The following SLC5A4 variants were observed in gnomAD, a reference collection of about 807,000 sequenced individuals.
The protein encoded by SLC5A4 is probable glucose sensor protein SLC5A4.
In SLC5A4, 55 loss-of-function variants were observed where a neutral mutation model predicts 70.3. The observed-to-expected ratio is 0.78, with a 90% confidence interval of 0.63 to 0.98. The LOEUF is 0.98. Among genes scored for constraint, SLC5A4 ranks in the 50% least tolerant of loss-of-function variants. The probability of loss-of-function intolerance (pLI) is 0.00; values close to 1 mark genes in which losing one functional copy is unlikely to be tolerated. For synonymous variants in SLC5A4, 268 were observed against 305.7 expected, an observed-to-expected ratio of 0.88 and a Z score of 1.29; for missense variants, 735 against 839.2, an observed-to-expected ratio of 0.88 and a Z score of 1.53.
chr22:32,323,888 T>C, the SLC5A4 span, among the ~76,000 whole-genome samples: 1 of 151,800 alleles, frequency 6.6e-6, no homozygotes. Flanking sequence ...TCCTTTTTGC[T>C]GCTGCAGGCT....
chr22:32,219,630 C>CAAAAAAAAAAAAAAA, intron 14 of SLC5A4, among the ~76,000 whole-genome samples: 23 of 28,860 alleles, frequency 8.0e-4, no homozygotes, highest in African/African-American at 2.6e-3. Flanking sequence ...TCCAACTTAG[C>CAAAAAAAAAAAAAAA]AAAAAAAAAA....
chr22:32,319,228 C>T, the SLC5A4 span, among the ~76,000 whole-genome samples: 4 of 152,068 alleles, frequency 2.6e-5, no homozygotes, highest in South Asian at 2.1e-4. Context: ...CTCAGGTCCT[C>T]GACTCACACT....
intron 8 of SLC5A4, 96 bp downstream of exon 8, chr22:32,234,777 G>A (rs1925960779): frequency 1.1e-5 from 10 of 914,268 alleles, no homozygotes; most frequent in Non-Finnish European, 1.4e-5. Context: ...GAAACTAAAT[G>A]TTTTTCTATG....
At chr22:32,254,527 G>A (rs951974353) in intron 1 of SLC5A4, among the ~76,000 whole-genome samples, 4 of 152,098 alleles carry the variant, frequency 2.6e-5, no homozygotes, top group East Asian at 1.9e-4. Flanking sequence ...AGTCTCGGCC[G>A]GGCACGGTGG....
chr22:32,239,544 AT>A (rs1926298177), intron 5 of SLC5A4, among the ~76,000 whole-genome samples: 1 of 12,632 alleles, frequency 7.9e-5, no homozygotes, highest in Non-Finnish European at 1.2e-4. Context: ...ATATATATAT[AT>A]ATATATATAT....
the SLC5A4 span, among the ~76,000 whole-genome samples, chr22:32,306,651 C>T: frequency 2.0e-5 from 3 of 152,144 alleles, no homozygotes; most frequent in Non-Finnish European, 4.4e-5. Flanking sequence ...ATATTTCCAT[C>T]CCCCAACCCC....
the SLC5A4 span, among the ~76,000 whole-genome samples, chr22:32,287,994 G>A: frequency 6.8e-6 from 1 of 147,830 alleles, no homozygotes; most frequent in Non-Finnish European, 1.5e-5. Context: ...CAGTTCACTT[G>A]AAGACCCTCA....
the SLC5A4 span, among the ~76,000 whole-genome samples, chr22:32,294,435 A>T: frequency 2.0e-5 from 3 of 152,200 alleles, no homozygotes; most frequent in Non-Finnish European, 4.4e-5. Context: ...CAGCTGCAAC[A>T]TCTTGCAAAA....
chr22:32,266,408 T>C, the SLC5A4 span, among the ~76,000 whole-genome samples: 1 of 152,178 alleles, frequency 6.6e-6, no homozygotes, highest in Non-Finnish European at 1.5e-5. Flanking sequence ...GTTTCACTAT[T>C]ACTTCATTTA....
intron 8 of SLC5A4, 109 bp from the exon 9 acceptor site, chr22:32,233,143 G>GT: frequency 8.5e-7 from 1 of 1,178,704 alleles, no homozygotes; most frequent in Non-Finnish European, 1.2e-6. Context: ...ATGTGGACCA[G>GT]TATACCAAAG....
At chr22:32,262,431 G>A in the SLC5A4 span, among the ~76,000 whole-genome samples, 1 of 152,190 alleles carries the variant, frequency 6.6e-6, no homozygotes, top group Non-Finnish European at 1.5e-5. Context: ...GCAAACTGAT[G>A]GCTAGCAGCT....
the SLC5A4 span, among the ~76,000 whole-genome samples, chr22:32,292,398 A>G: frequency 6.8e-6 from 1 of 148,046 alleles, no homozygotes; most frequent in East Asian, 1.9e-4. Context: ...CTAGATATAT[A>G]TTTGTTTTTT....
chr22:32,314,605 C>A, the SLC5A4 span, among the ~76,000 whole-genome samples: 1 of 151,948 alleles, frequency 6.6e-6, no homozygotes, highest in Non-Finnish European at 1.5e-5. Flanking sequence ...AAAGGATGGG[C>A]AGATGATTTT....
chr22:32,332,969 AT>A, the SLC5A4 span, among the ~76,000 whole-genome samples: 1 of 152,118 alleles, frequency 6.6e-6, no homozygotes, highest in Non-Finnish European at 1.5e-5. Context: ...CGTTTTTCAA[AT>A]CCATTCTTAC....
the SLC5A4 span, among the ~76,000 whole-genome samples, chr22:32,291,828 G>T: frequency 6.8e-6 from 1 of 146,386 alleles, no homozygotes; most frequent in Admixed American, 6.9e-5. Context: ...ATATATATGT[G>T]TGTGTGTATA....
At chr22:32,341,539 C>T in the SLC5A4 span, among the ~76,000 whole-genome samples, 4 of 152,200 alleles carry the variant, frequency 2.6e-5, no homozygotes, top group South Asian at 8.3e-4. Context: ...AGTGCTTAGT[C>T]CAGTGGACCG....
chr22:32,268,117 G>A, the SLC5A4 span, among the ~76,000 whole-genome samples: 1 of 152,126 alleles, frequency 6.6e-6, no homozygotes, highest in African/African-American at 2.4e-5. Context: ...AATATCAGAA[G>A]CTCAAGGCCC....
chr22:32,302,723 G>GCT, the SLC5A4 span, among the ~76,000 whole-genome samples: 2 of 152,100 alleles, frequency 1.3e-5, no homozygotes, highest in Non-Finnish European at 2.9e-5. Flanking sequence ...GATTGTTATA[G>GCT]CTATATAAGC....
the SLC5A4 span, among the ~76,000 whole-genome samples, chr22:32,262,999 A>G: frequency 1.1e-4 from 17 of 151,784 alleles, no homozygotes; most frequent in Non-Finnish European, 2.1e-4. Flanking sequence ...CGATCTCCTG[A>G]CTTTGTGATC....
Sources: gnomAD v4.1 joint callset for allele counts (sites outside exome capture counted in the v4.1 genomes callset) on GRCh38, gnomAD v4.1.1 for gene constraint, MANE v1.5 for transcripts, NCBI Gene and HGNC (gene_info 2026-07-23, HGNC 2026-07-21) for gene names.